TRAPPC10: variants seen among roughly 807,000 people sequenced by gnomAD.
TRAPPC10 encodes TRAPP 130 kDa subunit.
A neutral mutation model predicts 125.5 loss-of-function variants in TRAPPC10; 23 were observed. The observed-to-expected ratio is 0.18, with a 90% confidence interval of 0.13 to 0.26. The LOEUF (loss-of-function observed/expected upper bound fraction) is 0.26, where lower values mean the gene tolerates loss of function less well. TRAPPC10 is among the 10% of genes least tolerant of loss of function. TRAPPC10 has a pLI of 1.00. For synonymous variants in TRAPPC10, 509 were observed against 518.0 expected (o/e 0.98, Z 0.24); for missense variants, 1,123 against 1,308.4 (o/e 0.86, Z 2.19).
In TRAPPC10 at chr21:44,063,788, G is replaced by A. The variant is rs368854635; in HGVS notation, c.1038+3G>A. ...TGCAGGAACTGAAGCTCTTAGAAGT[G>A]AGTCGGCTGTTTTCCCAATTTACCC... is the stretch of plus-strand genomic sequence containing the variant. On this transcript the variant is annotated splice_donor_region_variant and intron_variant, in intron 7 of 22. Coordinates refer to ENST00000291574, the MANE Select transcript of TRAPPC10 (RefSeq NM_003274.5). The surrounding 1 kb of genome is among the most constrained non-coding windows in gnomAD (Gnocchi z 4.4). 2.1e-4 allele frequency: 338 copies of A among 1,608,196 alleles called. No individual in the cohort carries two copies. The highest frequency in any genetic ancestry group is 2.5e-4 in the Non-Finnish European group (300 of 1,176,842).
At chr21:44,066,445 G>T (rs189544133) in intron 7 of TRAPPC10, among the ~76,000 whole-genome samples, 1 of 152,356 alleles carries the variant, frequency 6.6e-6, no homozygotes, top group Admixed American at 6.5e-5. Context: ...GGCTGCTGGG[G>T]TGAGCGGTAA....
chr21:44,094,104 CAAGT>C lies in TRAPPC10; in HGVS notation c.3040_3043del (p.Lys1014GlyfsTer29). The C allele has an allele frequency of 6.2e-7, 1 of 1,614,078 alleles. No homozygotes were observed. Among genetic ancestry groups the C allele is most frequent in the Non-Finnish European group, 8.5e-7 (1 of 1,179,990 alleles). On this transcript the variant is annotated frameshift_variant, in exon 20 of 23. Coordinates refer to ENST00000291574, the MANE Select transcript of TRAPPC10 (RefSeq NM_003274.5). LOFTEE classifies it high-confidence loss of function. Reference sequence around the variant, plus strand: ...AGTCGGTGTTCTTCGTCTGGGAACTCAAGTGGACAGAAGAGCCTCCCCCTTCTCT... The same window carrying C: ...AGTCGGTGTTCTTCGTCTGGGAACTCGGACAGAAGAGCCTCCCCCTTCTCT...
chr21:44,069,142 G>T (rs897211468), intron 7 of TRAPPC10, among the ~76,000 whole-genome samples: 26 of 152,142 alleles, frequency 1.7e-4, no homozygotes, highest in Non-Finnish European at 2.9e-5. Context: ...AACCTTTATG[G>T]TTATGCACCA....
intron 6 of TRAPPC10, chr21:44,062,807 A>G (rs2036157347): frequency 1.0e-6 from 1 of 985,356 alleles, no homozygotes; most frequent in Non-Finnish European, 1.2e-6. Flanking sequence ...TAACCATGCC[A>G]GGATGCCACG....
rs1205469301 is a variant in TRAPPC10 at position 44,089,991 on chromosome 21, G to A, written c.2870+58G>A. On this transcript the variant is annotated intron_variant, in intron 18 of 22. Coordinates refer to ENST00000291574, the MANE Select transcript of TRAPPC10 (RefSeq NM_003274.5). ...CTTTCCCCAGACTCTTCTAAGTGGA[G>A]GTTCCTAATGTTCAAAACTGGCCTT... The A allele has an allele frequency of 3.3e-5, 45 of 1,365,582 alleles. No individual in the cohort carries two copies. The East Asian group carries it at 9.9e-4, about 30-fold the overall frequency. 84.6% of individuals were successfully genotyped at this position (1,365,582 alleles called of 1,614,324 possible).
chr21:44,094,983 CCA>C (rs922314049), intron 20 of TRAPPC10, among the ~76,000 whole-genome samples: 3 of 149,744 alleles, frequency 2.0e-5, no homozygotes, highest in African/African-American at 4.9e-5. Flanking sequence ...ATAAATAAAA[CCA>C]CAAATTATTA....
At chr21:44,014,919 T>C (rs2031646764) in intron 1 of TRAPPC10, among the ~76,000 whole-genome samples, 1 of 152,202 alleles carries the variant, frequency 6.6e-6, no homozygotes, top group Non-Finnish European at 1.5e-5. Context: ...TATGTTGTGG[T>C]ATATCTGGGA....
chr21:44,058,987 T>C (rs1207622317), intron 5 of TRAPPC10, 116 bp from the exon 6 acceptor site: 3 of 679,068 alleles, frequency 4.4e-6, no homozygotes, highest in East Asian at 5.5e-5. Flanking sequence ...TAGCGGAGCG[T>C]AGACATTATT....
intron 2 of TRAPPC10, among the ~76,000 whole-genome samples, chr21:44,034,048 A>G (rs1418482548): frequency 6.6e-6 from 1 of 152,218 alleles, no homozygotes; most frequent in East Asian, 1.9e-4. Context: ...AGACAGAGAA[A>G]GGAGGAGGCA....
At chr21:44,013,494 GGAA>G (rs1447527860) in intron 1 of TRAPPC10, among the ~76,000 whole-genome samples, 1 of 152,184 alleles carries the variant, frequency 6.6e-6, no homozygotes. Context: ...TGCTTGGAAA[GGAA>G]GCACTCTCTG....
At chr21:44,072,497 A>C (rs2299818) in intron 7 of TRAPPC10, among the ~76,000 whole-genome samples, 1 of 151,774 alleles carries the variant, frequency 6.6e-6, no homozygotes, top group African/African-American at 2.4e-5. Context: ...GTGTTTCGCT[A>C]TTGTTGCCCA....
intron 20 of TRAPPC10, 32 bp downstream of exon 20, chr21:44,094,265 GT>G: frequency 6.6e-7 from 1 of 1,520,420 alleles, no homozygotes; most frequent in Non-Finnish European, 8.9e-7. Context: ...GAGGGTGGGG[GT>G]GAAAAAATGA....
intron 7 of TRAPPC10, among the ~76,000 whole-genome samples, chr21:44,065,256 A>G (rs1182435445): frequency 2.6e-5 from 4 of 152,096 alleles, no homozygotes; most frequent in Admixed American, 6.5e-5. Flanking sequence ...TGGGCTCTGG[A>G]GTTCCCTTGT....
chr21:44,053,906 T>C (rs2145846946), intron 4 of TRAPPC10, among the ~76,000 whole-genome samples: 1 of 140,368 alleles, frequency 7.1e-6, no homozygotes, highest in East Asian at 2.0e-4. Context: ...TGTAGTTCTT[T>C]TTTACTTAAA....
rs897960704 is a variant in TRAPPC10 at position 44,083,874 on chromosome 21, A to G, written c.2239-248A>G. Among the ~76,000 whole-genome samples, 4 of 152,210 alleles carry G rather than the reference A, an allele frequency of 2.6e-5. No individual in the cohort carries two copies. In the South Asian group the frequency reaches 8.3e-4, roughly 32 times the overall value. On this transcript the variant is annotated intron_variant, in intron 14 of 22. Coordinates refer to ENST00000291574, the MANE Select transcript of TRAPPC10 (RefSeq NM_003274.5). ...CTACAATGCCACAAATACAGTTTAG[A>G]TAAGTTGAAAATACCTTATTAAAGT... is the stretch of plus-strand genomic sequence containing the variant.
intron 18 of TRAPPC10, among the ~76,000 whole-genome samples, chr21:44,090,426 G>A (rs1428085023): frequency 2.0e-5 from 3 of 152,208 alleles, no homozygotes; most frequent in South Asian, 2.1e-4. Context: ...CCTGTGTGCT[G>A]TAGGGTGTTG....
chr21:44,092,310 G>C (rs1472995347), intron 19 of TRAPPC10, among the ~76,000 whole-genome samples: 1 of 152,212 alleles, frequency 6.6e-6, no homozygotes, highest in African/African-American at 2.4e-5. Flanking sequence ...GACGTGTGCA[G>C]ATCCAAGCTT....
At chr21:44,078,018 A>G (rs948837985) in intron 11 of TRAPPC10, among the ~76,000 whole-genome samples, 2 of 152,152 alleles carry the variant, frequency 1.3e-5, no homozygotes, top group Middle Eastern at 3.2e-3. Flanking sequence ...TATTTAATTA[A>G]ATATATACAT....
intron 7 of TRAPPC10, among the ~76,000 whole-genome samples, chr21:44,065,474 G>T (rs2036376095): frequency 6.6e-6 from 1 of 152,338 alleles, no homozygotes; most frequent in East Asian, 1.9e-4. Flanking sequence ...ATTGCTTTTA[G>T]TCATAGCTAT....
Sources: allele counts gnomAD v4.1 joint callset (sites outside exome capture counted in the v4.1 genomes callset), GRCh38; gene constraint gnomAD v4.1.1; non-coding constraint Gnocchi (gnomAD v3.1); transcripts MANE v1.5; gene names NCBI Gene and HGNC (gene_info 2026-07-23, HGNC 2026-07-21).